MAML2: variants seen among roughly 807,000 people sequenced by gnomAD.
MAML2 encodes mastermind like transcriptional coactivator 2.
A neutral mutation model predicts 96.1 loss-of-function variants in MAML2; 22 were observed. The ratio of observed to expected loss-of-function variants is 0.23; its 90% CI spans 0.16 to 0.33. MAML2 has a LOEUF of 0.33. Among genes scored for constraint, MAML2 ranks in the 10% least tolerant of loss-of-function variants. MAML2 has a pLI of 1.00. For synonymous variants in MAML2, 561 were observed against 521.3 expected (o/e 1.08, Z -1.04); for missense variants, 1,367 against 1,392.4 (o/e 0.98, Z 0.29).
intron 1 of MAML2, among the ~76,000 whole-genome samples, chr11:96,276,496 C>G (rs1862989799): frequency 6.6e-6 from 1 of 152,194 alleles, no homozygotes; most frequent in African/African-American, 2.4e-5. Context: ...CCTTGTCTGT[C>G]TTTGAACAGA....
At chr11:96,024,420 G>A (rs891174187) in intron 2 of MAML2, among the ~76,000 whole-genome samples, 5 of 152,240 alleles carry the variant, frequency 3.3e-5, no homozygotes, top group Admixed American at 1.3e-4. Context: ...TATGAAGACT[G>A]TTGGAAATCT....
intron 1 of MAML2, among the ~76,000 whole-genome samples, chr11:96,107,137 G>A (rs1278841593): frequency 6.6e-6 from 1 of 151,686 alleles, no homozygotes; most frequent in Non-Finnish European, 1.5e-5. Context: ...CATGTTTTTG[G>A]CTTGTAACTG....
chr11:96,119,958 A>T lies in MAML2; in HGVS notation c.514-26441T>A, dbSNP rs867192346. On this transcript the variant is annotated intron_variant, in intron 1 of 4. Transcript: ENST00000524717. ...AATATATATTTGCGAGAAGATTCAG[A>T]TTTTTTTTTTTTTTTTTGAGACGGA... is the stretch of plus-strand genomic sequence containing the variant. Among the ~76,000 whole-genome samples, 707 of 135,870 alleles carry T rather than the reference A, an allele frequency of 5.2e-3. 6 individuals carry two copies. The highest frequency in any genetic ancestry group is 0.019 in the African/African-American group (683 of 36,154). The allele number at this position is 135,870 out of a possible 152,430, so 89.1% of individuals were successfully genotyped here.
intron 2 of MAML2, among the ~76,000 whole-genome samples, chr11:96,064,456 C>T (rs532879498): frequency 6.6e-5 from 10 of 152,188 alleles, no homozygotes; most frequent in East Asian, 5.8e-4. Flanking sequence ...ATAGTTTGTC[C>T]GAATGTGGAA....
intron 2 of MAML2, among the ~76,000 whole-genome samples, chr11:96,022,885 G>C (rs1439345688): frequency 6.6e-6 from 1 of 152,168 alleles, no homozygotes; most frequent in Non-Finnish European, 1.5e-5. Flanking sequence ...ATGGGCAGAT[G>C]GACTAGGCCA....
chr11:96,148,708 A>G (rs1860865112), intron 1 of MAML2, among the ~76,000 whole-genome samples: 1 of 141,220 alleles, frequency 7.1e-6, no homozygotes, highest in African/African-American at 2.6e-5. Context: ...ACACACACAC[A>G]TAAGCACGCA....
chr11:95,994,149 A>T (rs374598699), intron 2 of MAML2, among the ~76,000 whole-genome samples: 1 of 152,198 alleles, frequency 6.6e-6, no homozygotes, highest in East Asian at 1.9e-4. Context: ...CACTCTTCCC[A>T]GGGTTGAGCA....
chr11:96,185,171 G>A (rs773635306), intron 1 of MAML2, among the ~76,000 whole-genome samples: 6 of 148,290 alleles, frequency 4.0e-5, no homozygotes, highest in African/African-American at 7.9e-5. Context: ...GCTCCTTATC[G>A]TAGTGACAAA....
intron 2 of MAML2, among the ~76,000 whole-genome samples, chr11:96,027,425 T>C (rs1372449365): frequency 2.0e-5 from 3 of 152,212 alleles, no homozygotes; most frequent in African/African-American, 7.2e-5. Flanking sequence ...AACTTAGGAC[T>C]CTTTGACTCC....
At chr11:96,149,272 C>G (rs1263728089) in intron 1 of MAML2, among the ~76,000 whole-genome samples, 1 of 151,610 alleles carries the variant, frequency 6.6e-6, no homozygotes. Flanking sequence ...AGAAAGTTAG[C>G]TGGGCATGGT....
chr11:96,299,054 A>ATATATAT (rs1484860694), intron 1 of MAML2, among the ~76,000 whole-genome samples: 1 of 36,198 alleles, frequency 2.8e-5, no homozygotes, highest in Non-Finnish European at 5.5e-5. Context: ...CAAAAAAAAA[A>ATATATAT]AAAAAAATAT....
chr11:95,992,174 G>T (rs1052693821), intron 2 of MAML2, among the ~76,000 whole-genome samples: 3 of 152,204 alleles, frequency 2.0e-5, no homozygotes, highest in Non-Finnish European at 2.9e-5. Context: ...ATTTTGGACA[G>T]AAGGCATTTT....
intron 1 of MAML2, among the ~76,000 whole-genome samples, chr11:96,283,915 C>T (rs1270254831): frequency 2.6e-5 from 4 of 151,724 alleles, no homozygotes; most frequent in Non-Finnish European, 2.9e-5. Context: ...TAAGTTATTT[C>T]CACTTCCTCA....
chr11:96,023,943 C>T (rs1858475960), intron 2 of MAML2, among the ~76,000 whole-genome samples: 1 of 152,152 alleles, frequency 6.6e-6, no homozygotes, highest in African/African-American at 2.4e-5. Context: ...GGATAAGTCT[C>T]CTGCAGTAAA....
chr11:96,332,773 T>C (rs767167357), intron 1 of MAML2, among the ~76,000 whole-genome samples: 1 of 152,226 alleles, frequency 6.6e-6, no homozygotes, highest in Non-Finnish European at 1.5e-5. Context: ...AAAATCCTCA[T>C]TTCTCAGCTG....
At chr11:96,141,121 G>C (rs1195625026) in intron 1 of MAML2, among the ~76,000 whole-genome samples, 5 of 152,050 alleles carry the variant, frequency 3.3e-5, no homozygotes, top group African/African-American at 1.2e-4. Context: ...ATAAGCCTAG[G>C]TATATGGGGG....
chr11:96,124,526 A>G (rs1860406027), intron 1 of MAML2, among the ~76,000 whole-genome samples: 1 of 152,194 alleles, frequency 6.6e-6, no homozygotes, highest in African/African-American at 2.4e-5. Context: ...CACTTACTTT[A>G]CCTAACAAAG....
chr11:96,315,600 G>T (rs1863619913), intron 1 of MAML2, among the ~76,000 whole-genome samples: 1 of 152,096 alleles, frequency 6.6e-6, no homozygotes, highest in Admixed American at 6.5e-5. Flanking sequence ...GGATTCAAAG[G>T]GTTCTAATGG....
chr11:96,012,321 T>A (rs1436856456), intron 2 of MAML2, among the ~76,000 whole-genome samples: 2 of 152,198 alleles, frequency 1.3e-5, no homozygotes, highest in Admixed American at 6.5e-5. Flanking sequence ...ACAAGCCTTG[T>A]CCAACAATCA....
Sources: gnomAD v4.1 joint callset for allele counts (sites outside exome capture counted in the v4.1 genomes callset) on GRCh38, gnomAD v4.1.1 for gene constraint, MANE v1.5 for transcripts, NCBI Gene and HGNC (gene_info 2026-07-23, HGNC 2026-07-21) for gene names.